The following PRKG1 variants were observed in gnomAD, a reference collection of about 807,000 sequenced individuals.
PRKG1 encodes protein kinase cGMP-dependent 1, also known as cGMP-dependent protein kinase 1.
In PRKG1, 35 loss-of-function variants were observed where a neutral mutation model predicts 88.1. That is an observed-to-expected ratio of 0.40 (90% CI 0.30 to 0.53). The LOEUF (loss-of-function observed/expected upper bound fraction) is 0.53, where lower values mean the gene tolerates loss of function less well. Among genes scored for constraint, PRKG1 ranks in the 20% least tolerant of loss-of-function variants. PRKG1 has a pLI of 0.59. For missense variants in PRKG1, 540 were observed against 839.8 expected (o/e 0.64, Z 4.41); for synonymous variants, 303 against 292.5 (o/e 1.04, Z -0.37).
chr10:52,000,584 G>A (rs1473893395), intron 5 of PRKG1, among the ~76,000 whole-genome samples: 1 of 151,990 alleles, frequency 6.6e-6, no homozygotes, highest in Non-Finnish European at 1.5e-5. Flanking sequence ...AGAATTGGTT[G>A]TGAATGAAAG....
intron 1 of PRKG1, among the ~76,000 whole-genome samples, chr10:51,094,591 G>A (rs1844484835): frequency 1.3e-5 from 2 of 151,698 alleles, no homozygotes; most frequent in East Asian, 3.9e-4. Context: ...AAAGATACAT[G>A]TAGAATGGAT....
At chr10:51,553,732 CGTGTATATAATATATGT>C in intron 3 of PRKG1, among the ~76,000 whole-genome samples, 2 of 137,078 alleles carry the variant, frequency 1.5e-5, no homozygotes, top group African/African-American at 5.1e-5. Context: ...ATATTAGATA[CGTGTATATAATATATGT>C]ATATATTAGA....
chr10:51,242,301 T>C (rs949662752), intron 2 of PRKG1, among the ~76,000 whole-genome samples: 1 of 152,114 alleles, frequency 6.6e-6, no homozygotes, highest in African/African-American at 2.4e-5. Context: ...TAGAAGGTGA[T>C]TGGATGAGTC....
chr10:51,038,654 A>T (rs150564194), intron 1 of PRKG1, among the ~76,000 whole-genome samples: 20 of 152,306 alleles, frequency 1.3e-4, no homozygotes, highest in African/African-American at 4.3e-4. Flanking sequence ...CTTGCAAATG[A>T]CTGGATCTTG....
intron 9 of PRKG1, among the ~76,000 whole-genome samples, chr10:52,238,692 G>A (rs1318526240): frequency 1.4e-5 from 2 of 148,080 alleles, no homozygotes; most frequent in Admixed American, 6.8e-5. Context: ...AGAGGATGTG[G>A]AGAAATAGGA....
intron 3 of PRKG1, among the ~76,000 whole-genome samples, chr10:51,789,444 A>G (rs1306980449): frequency 6.6e-6 from 1 of 152,162 alleles, no homozygotes; most frequent in East Asian, 1.9e-4. Flanking sequence ...CATGTTGAAG[A>G]GCCTATTGCA....
chr10:51,952,569 A>G lies in PRKG1; in HGVS notation c.762+44999A>G, dbSNP rs150335278. On this transcript the variant is annotated intron_variant, in intron 5 of 17. Transcript: ENST00000373980. ...GATTAGATATAGTTAAGATTAACAC[A>G]GTGCCTAACACATTGCAAATGCTTA... 2.5e-3 allele frequency among the ~76,000 whole-genome samples: 388 copies of G among 152,358 alleles called. 3 individuals are homozygous for G. The highest frequency in any genetic ancestry group is 8.7e-3 in the African/African-American group (360 of 41,586).
chr10:51,900,995 A>G (rs995065157), intron 4 of PRKG1, among the ~76,000 whole-genome samples: 3 of 152,186 alleles, frequency 2.0e-5, no homozygotes, highest in Admixed American at 2.0e-4. Context: ...CATACTTTAA[A>G]GTAAAACTGG....
upstream of PRKG1, chr10:51,074,317 G>A (rs1843888423): frequency 1.9e-6 from 1 of 540,018 alleles, no homozygotes; most frequent in Non-Finnish European, 2.8e-6. Flanking sequence ...CGCCCACCGC[G>A]TCTCAGGTTT....
chr10:51,381,169 A>G (rs1049657430), intron 2 of PRKG1, among the ~76,000 whole-genome samples: 1 of 148,654 alleles, frequency 6.7e-6, no homozygotes, highest in African/African-American at 2.5e-5. Context: ...AGGCAGAATA[A>G]TCAGTTGAAC....
chr10:51,762,625 G>A (rs573877958), intron 3 of PRKG1, among the ~76,000 whole-genome samples: 9 of 152,188 alleles, frequency 5.9e-5, no homozygotes, highest in Admixed American at 4.6e-4. Context: ...ACCTAGGAGT[G>A]TTTAAAAACA....
intron 2 of PRKG1, among the ~76,000 whole-genome samples, chr10:51,426,769 G>A (rs1838600239): frequency 6.6e-6 from 1 of 152,148 alleles, no homozygotes; most frequent in East Asian, 1.9e-4. Context: ...CTGTTGCTGG[G>A]TAGATTTTGT....
At chr10:51,689,926 T>A (rs1157201657) in intron 3 of PRKG1, among the ~76,000 whole-genome samples, 1 of 152,242 alleles carries the variant, frequency 6.6e-6, no homozygotes, top group East Asian at 1.9e-4. Context: ...TTAAGGCTTG[T>A]ATTAGTTCAT....
chr10:51,869,356 T>C (rs10999848), intron 4 of PRKG1, among the ~76,000 whole-genome samples: 35,346 of 152,066 alleles, frequency 0.23, 4,487 homozygotes, highest in Non-Finnish European at 0.28. Context: ...TTATCAATTG[T>C]GGTCCATTAT....
At chr10:51,505,118 T>C (rs1841156040) in intron 3 of PRKG1, among the ~76,000 whole-genome samples, 1 of 152,198 alleles carries the variant, frequency 6.6e-6, no homozygotes, top group African/African-American at 2.4e-5. Flanking sequence ...TTGTCATAGA[T>C]AGCTCTTATT....
chr10:51,887,341 T>C (rs1318272302), intron 4 of PRKG1, among the ~76,000 whole-genome samples: 1 of 152,196 alleles, frequency 6.6e-6, no homozygotes, highest in Non-Finnish European at 1.5e-5. Flanking sequence ...ATTGTTTCCA[T>C]ATCTTGGCTG....
chr10:51,220,729 A>G (rs766557589), intron 2 of PRKG1, among the ~76,000 whole-genome samples: 1 of 152,144 alleles, frequency 6.6e-6, no homozygotes, highest in Non-Finnish European at 1.5e-5. Context: ...TTGTGTTTGT[A>G]TGTATAGGGA....
intron 1 of PRKG1, among the ~76,000 whole-genome samples, 156 bp downstream of exon 1, chr10:51,075,057 G>T (rs1238156752): frequency 6.6e-6 from 1 of 152,188 alleles, no homozygotes; most frequent in Non-Finnish European, 1.5e-5. Context: ...GCGGGGCTGT[G>T]CACGTTTCTC....
At chr10:52,271,080 A>G (rs1335258688) in intron 10 of PRKG1, among the ~76,000 whole-genome samples, 1 of 152,076 alleles carries the variant, frequency 6.6e-6, no homozygotes, top group Non-Finnish European at 1.5e-5. Flanking sequence ...TAAAACTAGA[A>G]CTAAGTACAT....
Sources: gnomAD v4.1 joint callset for allele counts (sites outside exome capture counted in the v4.1 genomes callset) on GRCh38, gnomAD v4.1.1 for gene constraint, MANE v1.5 for transcripts, NCBI Gene and HGNC (gene_info 2026-07-23, HGNC 2026-07-21) for gene names.